The following MRPL48 variants were observed in gnomAD, a reference collection of about 807,000 sequenced individuals.
MRPL48 encodes large ribosomal subunit protein mL48.
MRPL48 carries 16 observed loss-of-function variants against 32.9 expected under a neutral mutation model. That is an observed-to-expected ratio of 0.49 (90% CI 0.33 to 0.74). The LOEUF is 0.74. MRPL48 is among the 30% of genes least tolerant of loss of function. MRPL48 has a pLI of 0.02. For synonymous variants in MRPL48, 94 were observed against 89.2 expected (o/e 1.05, Z -0.31); for missense variants, 206 against 245.3 (o/e 0.84, Z 1.07).
At chr11:73,856,135 A>G (rs568017900) in intron 5 of MRPL48, among the ~76,000 whole-genome samples, 2 of 152,298 alleles carry the variant, frequency 1.3e-5, no homozygotes, top group African/African-American at 4.8e-5. Context: ...AGCAGGATGA[A>G]TGATATGCTG....
chr11:73,852,405 A>AT, intron 5 of MRPL48, among the ~76,000 whole-genome samples: 1 of 135,150 alleles, frequency 7.4e-6, no homozygotes, highest in Non-Finnish European at 1.7e-5. Flanking sequence ...AAAAAAAAAA[A>AT]AAAAAAAAAA....
intron 3 of MRPL48, among the ~76,000 whole-genome samples, chr11:73,821,254 C>T (rs1947775922): frequency 6.6e-6 from 1 of 152,114 alleles, no homozygotes; most frequent in Non-Finnish European, 1.5e-5. Flanking sequence ...CTCAGCCTCC[C>T]AAAGTGCAGA....
chr11:73,832,271 A>C (rs1305930077), intron 4 of MRPL48: 4 of 152,152 alleles, frequency 2.6e-5, no homozygotes, highest in Non-Finnish European at 4.4e-5. Flanking sequence ...TTCTTTTGGA[A>C]ACTTCATGCT....
At chr11:73,808,497 A>G in intron 3 of MRPL48, 147 bp downstream of exon 3, 2 of 745,954 alleles carry the variant, frequency 2.7e-6, no homozygotes, top group Non-Finnish European at 2.2e-6. Flanking sequence ...ATGGAATAGA[A>G]CCATGGGTGA....
Position 73,793,648 on chromosome 11 carries a change from TGGGA to T in MRPL48, c.21+5662_21+5665del, listed in dbSNP as rs1354449831. Among the ~76,000 whole-genome samples the T allele has an allele frequency of 2.0e-4, 30 of 152,048 alleles. 2 individuals carry two copies. In the South Asian group the frequency reaches 6.2e-3, roughly 32 times the overall value. ...TTCCAGAGGAACTCCTAGAGGAAGTTGGGAGGGAGAGAAGCACTGGGGTGTAGAT... is the reference window on the plus strand; with the variant it reads ...TTCCAGAGGAACTCCTAGAGGAAGTTGGGAGAGAAGCACTGGGGTGTAGAT... On this transcript the variant is annotated intron_variant, in intron 1 of 7. Coordinates refer to ENST00000310614, the MANE Select transcript of MRPL48 (RefSeq NM_016055.6).
intron 4 of MRPL48, among the ~76,000 whole-genome samples, chr11:73,840,492 GTTGTTTT>G (rs1251511435): frequency 3.3e-5 from 5 of 152,050 alleles, no homozygotes; most frequent in South Asian, 2.1e-4. Flanking sequence ...AGACCCTGTT[GTTGTTTT>G]TTGTTTTTTG....
chr11:73,845,403 T>G (rs953320991), intron 5 of MRPL48, among the ~76,000 whole-genome samples: 45 of 152,212 alleles, frequency 3.0e-4, no homozygotes, highest in Non-Finnish European at 4.4e-4. Flanking sequence ...CTGTACAGTT[T>G]AGTGATATCA....
chr11:73,794,746 T>C (rs183022761), intron 1 of MRPL48, among the ~76,000 whole-genome samples: 3 of 148,020 alleles, frequency 2.0e-5, no homozygotes, highest in African/African-American at 7.6e-5. Context: ...TTACTTCTTT[T>C]CTTTTTTTTT....
At position 73,846,121 on chromosome 11, in the gene MRPL48, C is replaced by A. The variant is rs186524534; in HGVS notation, c.371+1145C>A. 8.3e-4 allele frequency among the ~76,000 whole-genome samples: 126 copies of A among 151,226 alleles called. 1 individual carries two copies. Among genetic ancestry groups the A allele is most frequent in the Middle Eastern group, 3.4e-3 (1 of 294 alleles). ...AAAAAAGCAAACACTGAAACTGTAC[C>A]CATTAAATAACTGCCCATTCCTTCC... On this transcript the variant is annotated intron_variant, in intron 5 of 7. Coordinates refer to ENST00000310614, the MANE Select transcript of MRPL48 (RefSeq NM_016055.6).
intron 4 of MRPL48, among the ~76,000 whole-genome samples, chr11:73,828,399 A>AT (rs1371571425): frequency 1.3e-5 from 2 of 151,726 alleles, no homozygotes; most frequent in Admixed American, 6.6e-5. Context: ...TAGTTTTTGT[A>AT]TTTTTTTGTA....
intron 4 of MRPL48, among the ~76,000 whole-genome samples, chr11:73,828,498 A>G (rs1869433): frequency 0.09 from 13,711 of 152,178 alleles, 736 homozygotes; most frequent in South Asian, 0.26. Context: ...AGTGCAAGGA[A>G]TACAGAGATG....
At chr11:73,824,307 T>C (rs751619695) in intron 3 of MRPL48, among the ~76,000 whole-genome samples, 1 of 151,424 alleles carries the variant, frequency 6.6e-6, no homozygotes, top group Non-Finnish European at 1.5e-5. Flanking sequence ...TAAAACTGTA[T>C]GGCCGGGCGC....
At chr11:73,862,335 T>G (rs1948597380) in intron 6 of MRPL48, among the ~76,000 whole-genome samples, 1 of 152,086 alleles carries the variant, frequency 6.6e-6, no homozygotes, top group South Asian at 2.1e-4. Flanking sequence ...GGCAGGAGAA[T>G]CGCTTGAACC....
intron 5 of MRPL48, among the ~76,000 whole-genome samples, chr11:73,848,818 A>AT (rs36041695): frequency 0.058 from 8,535 of 146,702 alleles, 261 homozygotes; most frequent in Middle Eastern, 0.1. Flanking sequence ...TCCCTTTGTA[A>AT]TTTTTTTTTT....
intron 5 of MRPL48, among the ~76,000 whole-genome samples, chr11:73,856,793 C>A (rs556106936): frequency 6.6e-6 from 1 of 152,108 alleles, no homozygotes; most frequent in African/African-American, 2.4e-5. Flanking sequence ...TAGATTGACT[C>A]GTGAAATTAA....
intron 1 of MRPL48, among the ~76,000 whole-genome samples, chr11:73,801,155 T>G (rs961468102): frequency 6.6e-6 from 1 of 152,174 alleles, no homozygotes; most frequent in African/African-American, 2.4e-5. Flanking sequence ...AATTAAAACC[T>G]TGGTTATTGT....
intron 4 of MRPL48, among the ~76,000 whole-genome samples, chr11:73,844,077 C>T (rs1260149585): frequency 6.8e-6 from 1 of 147,574 alleles, no homozygotes; most frequent in East Asian, 2.0e-4. Flanking sequence ...GAAACTCCAT[C>T]TCAAAAAAAA....
intron 4 of MRPL48, among the ~76,000 whole-genome samples, chr11:73,838,775 A>C (rs1948144148): frequency 6.6e-6 from 1 of 152,192 alleles, no homozygotes; most frequent in Non-Finnish European, 1.5e-5. Flanking sequence ...ACCACTGTTA[A>C]GAACTTTAGT....
intron 4 of MRPL48, among the ~76,000 whole-genome samples, chr11:73,833,254 A>T (rs949106929): frequency 1.3e-5 from 2 of 151,846 alleles, no homozygotes; most frequent in Non-Finnish European, 2.9e-5. Context: ...TGTGAAGAAC[A>T]TAGAAAAGCT....
Sources: allele counts gnomAD v4.1 joint callset (sites outside exome capture counted in the v4.1 genomes callset), GRCh38; gene constraint gnomAD v4.1.1; transcripts MANE v1.5; gene names NCBI Gene and HGNC (gene_info 2026-07-23, HGNC 2026-07-21).